The following PRSS23 variants were observed in gnomAD, a reference collection of about 807,000 sequenced individuals.
The protein encoded by PRSS23 is protease, serine 23.
Under a neutral mutation model 34.7 loss-of-function variants are expected in PRSS23, and 25 were observed. The ratio of observed to expected loss-of-function variants is 0.72; its 90% CI spans 0.53 to 1.01. The LOEUF is 1.01. Ranked by LOEUF, PRSS23 falls within the 50% of genes least tolerant of loss-of-function variation. The pLI is 0.00. For synonymous variants in PRSS23, 176 were observed against 186.6 expected (o/e 0.94, Z 0.46); for missense variants, 445 against 475.6 (o/e 0.94, Z 0.60).
rs544689882 is a variant in PRSS23, at chr11:86,883,165, C to G, written c.206+59572C>G. 2.6e-4 allele frequency among the ~76,000 whole-genome samples: 40 copies of G among 152,206 alleles called. 1 individual carries two copies. The highest frequency in any genetic ancestry group is 9.4e-4 in the African/African-American group (39 of 41,526). The stretch of plus-strand genomic sequence containing the variant: ...CTATTCTGTAGATTGTCTGTTTACT[C>G]CGTTGAAAAAAGAGTCTGAATAGCC... On this transcript the variant is annotated intron_variant, in intron 2 of 2. Coordinates refer to the PRSS23 transcript ENST00000533902.
chr11:86,879,857 T>G (rs1590910050), intron 2 of PRSS23, among the ~76,000 whole-genome samples: 1 of 137,360 alleles, frequency 7.3e-6, no homozygotes, highest in Non-Finnish European at 1.6e-5. Flanking sequence ...AGCCGCCCCG[T>G]CCGGGAGGTG....
intron 2 of PRSS23, chr11:86,858,047 C>G: frequency 4.1e-6 from 1 of 243,936 alleles, no homozygotes; most frequent in South Asian, 5.4e-5. Flanking sequence ...AGGGAGTGTA[C>G]CACCCCCTGT....
At position 86,807,370 on chromosome 11, in the gene PRSS23, A is replaced by G. The variant is rs182233136; in HGVS notation, c.-13-261A>G. On this transcript the variant is annotated intron_variant, in intron 1 of 1. Coordinates refer to ENST00000280258, the MANE Select transcript of PRSS23 (RefSeq NM_007173.6). ...CTTTATGCCTGCTACTCTGCAGTCT[A>G]CCATCATTAGGGACATCTTAAACAT... is the stretch of plus-strand genomic sequence containing the variant. Among the ~76,000 whole-genome samples the G allele has an allele frequency of 3.7e-4, 56 of 152,280 alleles. 1 individual carries two copies. Among genetic ancestry groups the G allele is most frequent in the African/African-American group, 1.3e-3 (54 of 41,544 alleles).
chr11:86,842,606 A>G (rs1948456909), intron 2 of PRSS23, among the ~76,000 whole-genome samples: 1 of 152,242 alleles, frequency 6.6e-6, no homozygotes, highest in East Asian at 1.9e-4. Context: ...TCAATGTGCA[A>G]AAATGACAAG....
intron 2 of PRSS23, among the ~76,000 whole-genome samples, chr11:86,874,497 G>A (rs2134951736): frequency 6.6e-6 from 1 of 152,282 alleles, no homozygotes; most frequent in Non-Finnish European, 1.5e-5. Context: ...GCAGCAGCTG[G>A]GACCATCCGC....
intron 2 of PRSS23, among the ~76,000 whole-genome samples, chr11:86,883,850 T>A (rs980345103): frequency 6.6e-6 from 1 of 152,242 alleles, no homozygotes; most frequent in Non-Finnish European, 1.5e-5. Context: ...TTTTTAGGAG[T>A]GTGTTGTTTG....
At chr11:86,851,416 G>A (rs188427160) in intron 2 of PRSS23, among the ~76,000 whole-genome samples, 3 of 152,300 alleles carry the variant, frequency 2.0e-5, no homozygotes, top group East Asian at 1.9e-4. Context: ...CATAGTGAAC[G>A]TGGCATCCAC....
At chr11:86,860,352 A>G (rs1315347842) in intron 2 of PRSS23, among the ~76,000 whole-genome samples, 1 of 151,984 alleles carries the variant, frequency 6.6e-6, no homozygotes, top group Non-Finnish European at 1.5e-5. Flanking sequence ...TACTCCCAGT[A>G]TCAAAGGGTG....
At chr11:86,845,838 G>T (rs1368785291) in intron 2 of PRSS23, among the ~76,000 whole-genome samples, 1 of 152,094 alleles carries the variant, frequency 6.6e-6, no homozygotes, top group African/African-American at 2.4e-5. Flanking sequence ...CCTTATCTAT[G>T]CTCCCAATTC....
chr11:86,940,106 C>T (rs1020310185), intron 2 of PRSS23, among the ~76,000 whole-genome samples: 4 of 152,126 alleles, frequency 2.6e-5, no homozygotes, highest in African/African-American at 9.7e-5. Flanking sequence ...GGCCCCTTAG[C>T]ACTACATAAA....
intron 1 of PRSS23, chr11:86,821,395 G>T: frequency 7.5e-7 from 1 of 1,328,860 alleles, no homozygotes; most frequent in Non-Finnish European, 1.1e-6. Flanking sequence ...TGCTAACCCT[G>T]CTGGGAAAAC....
At chr11:86,938,989 C>G (rs752330171) in intron 2 of PRSS23, 1 of 434,554 alleles carries the variant, frequency 2.3e-6, no homozygotes, top group South Asian at 1.7e-5. Context: ...GGAAATTTCT[C>G]ACTTGATGTA....
intron 2 of PRSS23, among the ~76,000 whole-genome samples, chr11:86,837,778 GA>G (rs1948418195): frequency 6.6e-6 from 1 of 152,140 alleles, no homozygotes; most frequent in South Asian, 2.1e-4. Context: ...AAAAAAGAGA[GA>G]AAGTTTTAGT....
intron 2 of PRSS23, among the ~76,000 whole-genome samples, chr11:86,944,175 T>C (rs1397798487): frequency 1.3e-5 from 2 of 152,222 alleles, no homozygotes; most frequent in African/African-American, 4.8e-5. Flanking sequence ...TGGTGTTTCT[T>C]GCTTGGCCTG....
At chr11:86,935,805 C>T (rs1336998033) in intron 2 of PRSS23, 1 of 152,172 alleles carries the variant, frequency 6.6e-6, no homozygotes, top group Admixed American at 6.6e-5. Context: ...AAAGTACATG[C>T]TCTTTCTACT....
At chr11:86,844,664 T>A (rs891283687) in intron 2 of PRSS23, among the ~76,000 whole-genome samples, 1 of 152,236 alleles carries the variant, frequency 6.6e-6, no homozygotes, top group Non-Finnish European at 1.5e-5. Context: ...TTTTGAATAA[T>A]TGAATGCTGT....
At chr11:86,864,257 C>T (rs12577245) in intron 2 of PRSS23, among the ~76,000 whole-genome samples, 17,208 of 151,982 alleles carry the variant, frequency 0.11, 1,152 homozygotes, top group East Asian at 0.16. Flanking sequence ...TGTTCCTGGC[C>T]TGACACAGGA....
chr11:86,808,066 G>A lies in PRSS23; in HGVS notation c.423G>A (p.Gly141=). ...ATGACAGCAGGTTCAGCATTTTTGG[G>A]AAGGACTTCCTGCTCAACTACCCTT... ...YGYDSRFSIF[G]KDFLLNYPFS... is the part of the protein sequence containing the mutation. Residue 141 remains glycine, a synonymous_variant, in exon 2 of 2, where the codon GGG becomes GGA. Transcript: ENST00000280258. 2 of 1,614,090 alleles carry A rather than the reference G, an allele frequency of 1.2e-6. No homozygotes were observed. Among genetic ancestry groups the A allele is most frequent in the Non-Finnish European group, 1.7e-6 (2 of 1,180,010 alleles).
intron 2 of PRSS23, among the ~76,000 whole-genome samples, chr11:86,883,813 T>C (rs1346181420): frequency 6.6e-6 from 1 of 152,232 alleles, no homozygotes; most frequent in East Asian, 1.9e-4. Context: ...CTAATTTCCC[T>C]TGTGATTTTT....
Sources: gnomAD v4.1 joint callset for allele counts (sites outside exome capture counted in the v4.1 genomes callset) on GRCh38, gnomAD v4.1.1 for gene constraint, MANE v1.5 for transcripts, NCBI Gene and HGNC (gene_info 2026-07-23, HGNC 2026-07-21) for gene names.